The following TRHDE variants were observed in gnomAD, a reference collection of about 807,000 sequenced individuals.
TRHDE encodes thyrotropin releasing hormone degrading enzyme.
In TRHDE, 72 loss-of-function variants were observed where a neutral mutation model predicts 125.7. The observed-to-expected ratio is 0.57, with a 90% CI of 0.47 to 0.70. The LOEUF (loss-of-function observed/expected upper bound fraction) is 0.70, where lower values mean the gene tolerates loss of function less well. Ranked by LOEUF, TRHDE falls within the 30% of genes least tolerant of loss-of-function variation. The probability of loss-of-function intolerance (pLI) is 0.00; values close to 1 mark genes in which losing one functional copy is unlikely to be tolerated. For missense variants in TRHDE, 1,110 were observed against 1,327.1 expected, an observed-to-expected ratio of 0.84 and a Z score of 2.54; for synonymous variants, 509 against 509.1, an observed-to-expected ratio of 1.00 and a Z score of 0.00.
intron 2 of TRHDE, among the ~76,000 whole-genome samples, chr12:72,214,101 A>C (rs115563072): frequency 0.029 from 4,373 of 152,170 alleles, 228 homozygotes; most frequent in African/African-American, 0.1. Context: ...TTCATTATAG[A>C]TTGTGGGAAG....
chr12:72,295,113 T>C (rs960036256), intron 2 of TRHDE, among the ~76,000 whole-genome samples: 16 of 108,822 alleles, frequency 1.5e-4, no homozygotes, highest in African/African-American at 5.7e-4. Flanking sequence ...TTTGGGTGAC[T>C]GCAGCTGTGG....
chr12:72,441,592 G>A (rs1462527555), intron 3 of TRHDE, among the ~76,000 whole-genome samples: 1 of 151,864 alleles, frequency 6.6e-6, no homozygotes, highest in African/African-American at 2.4e-5. Flanking sequence ...ATGTTTTTAA[G>A]TGGTTTACTG....
intron 1 of TRHDE, among the ~76,000 whole-genome samples, chr12:72,281,490 T>C (rs1233072715): frequency 6.6e-6 from 1 of 152,196 alleles, no homozygotes; most frequent in Non-Finnish European, 1.5e-5. Flanking sequence ...TTATTACCAA[T>C]CTTAAACTAC....
chr12:72,090,369 C>T (rs890829916), intron 1 of TRHDE, among the ~76,000 whole-genome samples: 2 of 152,116 alleles, frequency 1.3e-5, no homozygotes, highest in Admixed American at 1.3e-4. Context: ...CTATTCACCA[C>T]TGAGGTTTTA....
intron 2 of TRHDE, among the ~76,000 whole-genome samples, chr12:72,128,472 A>C (rs546840344): frequency 6.6e-6 from 1 of 152,326 alleles, no homozygotes; most frequent in African/African-American, 2.4e-5. Context: ...ATGCAATTGA[A>C]ACTAACAAGA....
At chr12:72,218,913 A>T (rs1484823) in intron 2 of TRHDE, among the ~76,000 whole-genome samples, 116,040 of 152,102 alleles carry the variant, frequency 0.76, 44,554 homozygotes, top group Non-Finnish European at 0.79. Context: ...CTTGGACATA[A>T]CTTTTGGGGA....
intron 1 of TRHDE, among the ~76,000 whole-genome samples, chr12:72,282,836 C>T (rs1009765084): frequency 6.6e-6 from 1 of 152,178 alleles, no homozygotes; most frequent in South Asian, 2.1e-4. Context: ...TCAACTGGGA[C>T]AATTTCTTCC....
At chr12:72,353,031 C>A (rs1176226439) in intron 2 of TRHDE, among the ~76,000 whole-genome samples, 2 of 151,088 alleles carry the variant, frequency 1.3e-5, no homozygotes, top group East Asian at 1.9e-4. Flanking sequence ...ACCATGAATA[C>A]AATTGTTTAA....
At chr12:72,586,549 A>G (rs1188399872) in intron 12 of TRHDE, among the ~76,000 whole-genome samples, 1 of 152,180 alleles carries the variant, frequency 6.6e-6, no homozygotes, top group Non-Finnish European at 1.5e-5. Flanking sequence ...TAAAGATGTG[A>G]GTACAGGCCA....
At chr12:72,174,312 G>A (rs1378631674) in intron 2 of TRHDE, among the ~76,000 whole-genome samples, 2 of 152,110 alleles carry the variant, frequency 1.3e-5, no homozygotes, top group Admixed American at 1.3e-4. Flanking sequence ...AGAACCATGA[G>A]AAAGAATTAA....
intron 3 of TRHDE, among the ~76,000 whole-genome samples, chr12:72,434,454 T>C (rs1371720964): frequency 6.6e-6 from 1 of 152,070 alleles, no homozygotes; most frequent in East Asian, 1.9e-4. Context: ...TTTATATGTT[T>C]GCTGTTTTTA....
In TRHDE at chr12:72,621,718, T is replaced by G. The variant is rs760479615; in HGVS notation, c.2642T>G (p.Leu881Arg). ...CACTGTCACCAACAGGCATCAACAC[T>G]TATTTCAGATTGGATTTCCAGCAAC... ...NKHCHQQAST[L>R]ISDWISSNRN... is the part of the protein sequence containing the mutation. The change falls in exon 15 of 19, where the codon CTT (leucine) becomes CGT (arginine). Residue 881 changes from leucine to arginine, a missense_variant. Leu to Arg is a moderately radical substitution (Grantham distance 102). This residue lies in a region of TRHDE where 527 missense variants were observed against 651.8 expected (regional missense o/e 0.81). Coordinates refer to ENST00000261180, the MANE Select transcript of TRHDE (RefSeq NM_013381.3). The G allele has an allele frequency of 2.5e-6, 4 of 1,605,248 alleles. No individual in the cohort carries two copies. Among genetic ancestry groups the G allele is most frequent in the Non-Finnish European group, 3.4e-6 (4 of 1,177,184 alleles).
intron 12 of TRHDE, among the ~76,000 whole-genome samples, chr12:72,594,481 G>A (rs1320888413): frequency 6.8e-6 from 1 of 147,628 alleles, no homozygotes; most frequent in Non-Finnish European, 1.5e-5. Flanking sequence ...GCCTCCTAAA[G>A]CTCTGGGATT....
intron 12 of TRHDE, among the ~76,000 whole-genome samples, chr12:72,583,728 T>G (rs1237345041): frequency 6.6e-6 from 1 of 152,150 alleles, no homozygotes; most frequent in Non-Finnish European, 1.5e-5. Flanking sequence ...TCTGCAGGAA[T>G]ATGCTGGTTT....
intron 6 of TRHDE, among the ~76,000 whole-genome samples, chr12:72,525,042 A>C (rs770331055): frequency 2.5e-4 from 38 of 152,040 alleles, no homozygotes; most frequent in Non-Finnish European, 4.6e-4. Context: ...ATCTTTTAAC[A>C]CCTGTTCTCA....
chr12:72,166,907 C>CGT (rs59590935), intron 2 of TRHDE, among the ~76,000 whole-genome samples: 24,451 of 139,136 alleles, frequency 0.18, 2,246 homozygotes, highest in East Asian at 0.41. Flanking sequence ...GGTAGATGAA[C>CGT]GTGTGTGTGT....
intron 2 of TRHDE, among the ~76,000 whole-genome samples, chr12:72,360,139 A>G (rs141676139): frequency 6.6e-6 from 1 of 151,818 alleles, no homozygotes; most frequent in Non-Finnish European, 1.5e-5. Context: ...CAAAAGTCTT[A>G]AACTTTTAGA....
intron 2 of TRHDE, among the ~76,000 whole-genome samples, chr12:72,346,967 G>A (rs764810507): frequency 6.6e-6 from 1 of 152,000 alleles, no homozygotes; most frequent in Non-Finnish European, 1.5e-5. Flanking sequence ...TGTAAGGCAG[G>A]ATAACTTCAG....
At chr12:72,470,863 CTTTTTTTTT>C (rs768937293) in intron 4 of TRHDE, among the ~76,000 whole-genome samples, 2 of 67,930 alleles carry the variant, frequency 2.9e-5, no homozygotes, top group African/African-American at 6.2e-5. Flanking sequence ...TAAATGTCAG[CTTTTTTTTT>C]TTTTTTTTTT....
Sources: allele counts gnomAD v4.1 joint callset (sites outside exome capture counted in the v4.1 genomes callset), GRCh38; gene constraint gnomAD v4.1.1; regional missense constraint gnomAD v4.1.1; transcripts MANE v1.5; gene names NCBI Gene and HGNC (gene_info 2026-07-23, HGNC 2026-07-21).